The following BARD1 variants were observed in gnomAD, a reference collection of about 807,000 sequenced individuals.
BARD1 encodes the protein BRCA1 associated RING domain 1.
Under a neutral mutation model 77.0 loss-of-function variants are expected in BARD1, and 73 were observed. The observed-to-expected ratio is 0.95, with a 90% confidence interval of 0.79 to 1.15. BARD1 has a LOEUF of 1.15. Ranked by LOEUF, BARD1 falls within the 50% of genes most tolerant of loss-of-function variation. The probability of loss-of-function intolerance (pLI) is 0.00; values close to 1 mark genes in which losing one functional copy is unlikely to be tolerated. For missense variants in BARD1, 993 were observed against 938.8 expected (o/e 1.06, Z -0.75); for synonymous variants, 384 against 338.0 (o/e 1.14, Z -1.49).
chr2:214,793,719 A>C (rs1695631535), intron 2 of BARD1, among the ~76,000 whole-genome samples: 1 of 152,188 alleles, frequency 6.6e-6, no homozygotes, highest in Non-Finnish European at 1.5e-5. Context: ...AACATTTTAT[A>C]AACTATTCCC....
chr2:214,769,358 A>T (rs777103035), intron 4 of BARD1, 46 bp from the exon 5 acceptor site: 1 of 1,478,954 alleles, frequency 6.8e-7, no homozygotes, highest in South Asian at 1.1e-5. Context: ...TAAGGAAAGA[A>T]AGGAAAATAT....
chr2:214,758,255 T>C (rs547542886), intron 6 of BARD1, among the ~76,000 whole-genome samples: 12 of 152,322 alleles, frequency 7.9e-5, no homozygotes, highest in Admixed American at 4.6e-4. Context: ...CCCGTGCCTG[T>C]TTCCTCATTT....
chr2:214,773,973 C>A (rs1190352778), intron 4 of BARD1, among the ~76,000 whole-genome samples: 2 of 152,332 alleles, frequency 1.3e-5, no homozygotes, highest in Middle Eastern at 3.4e-3. Context: ...CCTTTGTTGT[C>A]ATTTCAACAG....
chr2:214,745,245 T>G (rs1375129229), intron 8 of BARD1, 86 bp from the exon 9 acceptor site: 26 of 1,184,190 alleles, frequency 2.2e-5, no homozygotes, highest in Non-Finnish European at 5.0e-6. Flanking sequence ...ATCTATATTT[T>G]GTAAGCTTAT....
At chr2:214,732,327 G>T (rs937709597) in intron 9 of BARD1, among the ~76,000 whole-genome samples, 1 of 152,028 alleles carries the variant, frequency 6.6e-6, no homozygotes, top group Non-Finnish European at 1.5e-5. Context: ...TCCTGCGATT[G>T]CATCTAATAT....
chr2:214,788,969 T>C (rs1457908565), intron 3 of BARD1, among the ~76,000 whole-genome samples: 1 of 151,920 alleles, frequency 6.6e-6, no homozygotes, highest in Non-Finnish European at 1.5e-5. Context: ...TCAAGGCTAG[T>C]TTGTTTTGGG....
In BARD1 at chr2:214,745,716, C is replaced by A. The variant is rs1693071603; in HGVS notation, c.1810+6G>T. On this transcript the variant is annotated splice_donor_region_variant and intron_variant, in intron 8 of 10. Transcript: ENST00000260947. The stretch of plus-strand genomic sequence containing the variant: ...TACCCCACCTCCCAAAATTCAAAAT[C>A]CTCACCTGTACTGTCAAACTCAGTA... The A allele has an allele frequency of 6.2e-7, 1 of 1,614,006 alleles. No homozygotes were observed. The highest frequency in any genetic ancestry group is 2.2e-5 in the East Asian group (1 of 44,844).
chr2:214,750,256 C>T (rs112418001), intron 7 of BARD1, among the ~76,000 whole-genome samples: 6 of 152,142 alleles, frequency 3.9e-5, no homozygotes, highest in Non-Finnish European at 2.9e-5. Flanking sequence ...ACTGCAGCCT[C>T]CCAATCAGCC....
chr2:214,783,762 AT>A (rs937083474), intron 3 of BARD1, among the ~76,000 whole-genome samples: 1 of 152,148 alleles, frequency 6.6e-6, no homozygotes, highest in African/African-American at 2.4e-5. Flanking sequence ...AAAACAAGCA[AT>A]GGGGAAAGGA....
chr2:214,728,963 A>G lies in BARD1; in HGVS notation c.2047T>C (p.Phe683Leu). ...DGCYFYLWGT[F>L]KHHPKDNLIK... ...AGGTTGTCCTTTGGATGGTGTTTGA[A>G]GGTTCCCCACAAATAGAAGTAGCAT... The change falls in exon 11 of 11, where the codon TTC becomes CTC. Residue 683 changes from phenylalanine (F) to leucine (L), a missense_variant. Coordinates refer to ENST00000260947, the MANE Select transcript of BARD1 (RefSeq NM_000465.4). 6.2e-7 allele frequency: 1 copy of G among 1,614,186 alleles called. No homozygotes were observed. The highest frequency in any genetic ancestry group is 8.5e-7 in the Non-Finnish European group (1 of 1,180,024).
chr2:214,739,093 G>C (rs1336238690), intron 9 of BARD1, among the ~76,000 whole-genome samples: 1 of 152,128 alleles, frequency 6.6e-6, no homozygotes, highest in African/African-American at 2.4e-5. Flanking sequence ...TGGCTGCAAA[G>C]AGCTATGATT....
intron 9 of BARD1, among the ~76,000 whole-genome samples, chr2:214,736,290 A>G (rs1181804242): frequency 6.6e-6 from 1 of 152,120 alleles, no homozygotes; most frequent in Non-Finnish European, 1.5e-5. Flanking sequence ...TTGTTTCTAT[A>G]TTAAAAATCA....
intron 9 of BARD1, among the ~76,000 whole-genome samples, chr2:214,743,848 C>T (rs1559384946): frequency 6.6e-6 from 1 of 152,150 alleles, no homozygotes; most frequent in African/African-American, 2.4e-5. Context: ...GCATGAGCTA[C>T]CGTGCCTGGC....
intron 1 of BARD1, among the ~76,000 whole-genome samples, chr2:214,803,531 T>C (rs1696126749): frequency 6.6e-6 from 1 of 152,256 alleles, no homozygotes; most frequent in African/African-American, 2.4e-5. Context: ...TTTCTGTGTA[T>C]GCATATCTAA....
chr2:214,742,767 A>C (rs937339702), intron 9 of BARD1, among the ~76,000 whole-genome samples: 12 of 152,256 alleles, frequency 7.9e-5, no homozygotes, highest in Admixed American at 2.0e-4. Context: ...CCACTTCAGC[A>C]TATTCACAAG....
At chr2:214,751,843 G>A (rs1693468645) in intron 7 of BARD1, among the ~76,000 whole-genome samples, 1 of 152,050 alleles carries the variant, frequency 6.6e-6, no homozygotes, top group African/African-American at 2.4e-5. Context: ...CTATCCGAAA[G>A]TCCCGTTTTG....
Position 214,728,649 on chromosome 2 carries a change from A to C in BARD1, c.*27T>G. The C allele has an allele frequency of 6.2e-7, 1 of 1,612,194 alleles. No homozygotes were observed. Among genetic ancestry groups the C allele is most frequent in the Non-Finnish European group, 8.5e-7 (1 of 1,178,614 alleles). ...GGCTCTCACAAACCGTGCAAATTCA[A>C]TTTGAAATGTTCATCTGGTATAATA... On this transcript the variant is annotated 3_prime_UTR_variant, in exon 11 of 11. Coordinates refer to ENST00000260947, the MANE Select transcript of BARD1 (RefSeq NM_000465.4).
At chr2:214,737,604 A>G (rs1225574146) in intron 9 of BARD1, among the ~76,000 whole-genome samples, 2 of 152,122 alleles carry the variant, frequency 1.3e-5, no homozygotes, top group Non-Finnish European at 2.9e-5. Flanking sequence ...TTTTTTTAAG[A>G]CAAATCAATT....
intron 4 of BARD1, 115 bp from the exon 5 acceptor site, chr2:214,769,427 T>A: frequency 1.2e-6 from 1 of 836,182 alleles, no homozygotes; most frequent in Non-Finnish European, 2.0e-6. Context: ...CGTTTTCTCT[T>A]AAGGCTACTG....
Sources: gnomAD v4.1 joint callset for allele counts (sites outside exome capture counted in the v4.1 genomes callset) on GRCh38, gnomAD v4.1.1 for gene constraint, MANE v1.5 for transcripts, NCBI Gene and HGNC (gene_info 2026-07-23, HGNC 2026-07-21) for gene names.